XBP1: variants seen among roughly 807,000 people sequenced by gnomAD.
XBP1 encodes X-box binding protein 1.
XBP1 carries 18 observed loss-of-function variants against 34.6 expected under a neutral mutation model. The observed-to-expected ratio is 0.52, with a 90% CI of 0.36 to 0.77. XBP1 has a LOEUF of 0.77. Among genes scored for constraint, XBP1 ranks in the 30% least tolerant of loss-of-function variants. XBP1 has a pLI of 0.00. For missense variants in XBP1, 422 were observed against 464.6 expected, an observed-to-expected ratio of 0.91 and a Z score of 0.84; for synonymous variants, 191 against 193.4, an observed-to-expected ratio of 0.99 and a Z score of 0.11.
exon 3 of XBP1, chr22:28,797,164 T>C: frequency 1.9e-6 from 3 of 1,613,546 alleles, no homozygotes; most frequent in Non-Finnish European, 2.5e-6. Flanking sequence ...GGCCATGAGT[T>C]TTCTCTCGTA....
chr22:28,796,673 T>C (rs1161860398), intron 3 of XBP1: 2 of 174,630 alleles, frequency 1.1e-5, no homozygotes, highest in Non-Finnish European at 2.4e-5. Context: ...ACCACAGAGG[T>C]ATCACTATTA....
At chr22:28,795,112 T>C (rs768451862), downstream of XBP1, 44 of 1,436,940 alleles carry the variant, frequency 3.1e-5, no homozygotes, top group Non-Finnish European at 4.0e-5. Context: ...ACAGACAGGC[T>C]TCTCTGCTAT....
intron 1 of XBP1, 84 bp from the exon 2 acceptor site, chr22:28,799,237 T>A: frequency 1.0e-6 from 1 of 997,362 alleles, no homozygotes; most frequent in South Asian, 1.5e-5. Context: ...GCTGGTGCTT[T>A]CATTTTTATT....
intron 2 of XBP1, 87 bp from the exon 3 acceptor site, chr22:28,797,292 C>T (rs1353450557): frequency 1.8e-5 from 27 of 1,460,340 alleles, no homozygotes; most frequent in Non-Finnish European, 2.4e-5. Context: ...GTTTCCTTTC[C>T]TTCTTGAACT....
intron 1 of XBP1, 72 bp from the exon 2 acceptor site, chr22:28,799,225 C>T (rs1001462729): frequency 6.3e-5 from 74 of 1,178,394 alleles, no homozygotes; most frequent in Middle Eastern, 2.0e-4. Context: ...AAAACTTTAC[C>T]AGCTGGTGCT....
rs564379519 is a variant in XBP1 at position 28,798,332 on chromosome 22, G to C, written c.324+725C>G. ...TTTTTTTTTTTGAGACAGGGTTTTT[G>C]CTCTGTCGCCCAGACTGGAGTGCAG... is the stretch of plus-strand genomic sequence containing the variant. On this transcript the variant is annotated intron_variant, in intron 2 of 5. Transcript: ENST00000344347. Among the ~76,000 whole-genome samples the C allele has an allele frequency of 2.7e-3, 267 of 98,816 alleles. 12 individuals carry two copies. The South Asian group carries it at 0.1, about 38-fold the overall frequency. The allele number at this position is 98,816 out of a possible 152,430, so 64.8% of individuals were successfully genotyped here. A position where few individuals can be genotyped will look rare whatever the true frequency, so the allele number is the denominator to read the frequency against.
exon 3 of XBP1, chr22:28,797,078 T>C (rs1048324226): frequency 1.4e-5 from 23 of 1,605,282 alleles, no homozygotes; most frequent in Non-Finnish European, 1.8e-5. Flanking sequence ...ATGATTTACC[T>C]TGGCTTCCGC....
intron 5 of XBP1, 78 bp from the exon 6 acceptor site, chr22:28,795,810 T>G (rs2031739816): frequency 7.0e-7 from 1 of 1,434,706 alleles, no homozygotes; most frequent in Non-Finnish European, 9.4e-7. Flanking sequence ...TTGTACTGGG[T>G]TCCATAATGT....
exon 5 of XBP1, chr22:28,796,097 G>A: frequency 6.2e-7 from 1 of 1,614,134 alleles, no homozygotes; most frequent in Non-Finnish European, 8.5e-7. Context: ...AGATGTTCTG[G>A]AGGGGTGACA....
intron 1 of XBP1, 43 bp downstream of exon 1, chr22:28,800,255 T>A (rs1215334531): frequency 2.4e-5 from 37 of 1,543,058 alleles, no homozygotes; most frequent in South Asian, 3.6e-5. Flanking sequence ...CTGTCCCTAG[T>A]CCCGGCTTCA....
At chr22:28,799,135 T>C (rs762137545) in exon 2 of XBP1, 6 of 1,613,952 alleles carry the variant, frequency 3.7e-6, no homozygotes, top group Middle Eastern at 1.6e-4. Flanking sequence ...TCTGAGCTGC[T>C]ACTCTGTTTT....
intron 3 of XBP1, 166 bp downstream of exon 3, chr22:28,796,911 A>C: frequency 1.3e-6 from 1 of 749,642 alleles, no homozygotes. Flanking sequence ...ATGAGTGTCA[A>C]GTGCCTTTAG....
intron 1 of XBP1, 196 bp downstream of exon 1, chr22:28,800,102 G>C: frequency 1.4e-6 from 1 of 733,842 alleles, no homozygotes; most frequent in Non-Finnish European, 2.4e-6. Context: ...GGCCGCCCTA[G>C]GTTCCCAGCG....
chr22:28,795,022 G>C, downstream of XBP1: 1 of 619,724 alleles, frequency 1.6e-6, no homozygotes. Flanking sequence ...GACAATACCT[G>C]GGGGTCATCT....
intron 1 of XBP1, 116 bp from the exon 2 acceptor site, chr22:28,799,269 G>A: frequency 1.5e-6 from 1 of 685,488 alleles, no homozygotes; most frequent in Non-Finnish European, 2.4e-6. Context: ...ACAGACTAAT[G>A]ATAAAATACA....
chr22:28,796,489 A>C, intron 3 of XBP1: 2 of 242,284 alleles, frequency 8.3e-6, no homozygotes. Context: ...GGAAATAACA[A>C]TGGTTAGGGA....
intron 2 of XBP1, among the ~76,000 whole-genome samples, chr22:28,797,680 G>A (rs2031775257): frequency 1.3e-5 from 2 of 152,028 alleles, no homozygotes; most frequent in Non-Finnish European, 2.9e-5. Context: ...TAATCTGGAG[G>A]CTGAAGCAGG....
At chr22:28,796,110 T>C in exon 5 of XBP1, 3 of 1,614,100 alleles carry the variant, frequency 1.9e-6, no homozygotes. Flanking sequence ...GGGTGACAAC[T>C]GGGCCTGCAC....
rs1334503313 is a variant in XBP1, at chr22:28,797,062, AAGG to A, written c.453+12_453+14del. On this transcript the variant is annotated intron_variant, in intron 3 of 5. Transcript: ENST00000344347. ...CAGTACTCACATGAGGCACCAAATA[AAGG>A]AGATGATTTACCTTGGCTTCCGCCT... is the stretch of plus-strand genomic sequence containing the variant. 1 of 1,601,630 alleles carries A rather than the reference AAGG, an allele frequency of 6.2e-7. No homozygotes were observed. The highest frequency in any genetic ancestry group is 1.4e-5 in the African/African-American group (1 of 73,762).
Sources: gnomAD v4.1 joint callset for allele counts (sites outside exome capture counted in the v4.1 genomes callset) on GRCh38, gnomAD v4.1.1 for gene constraint, MANE v1.5 for transcripts, NCBI Gene and HGNC (gene_info 2026-07-23, HGNC 2026-07-21) for gene names.